The following CNTN4 variants were observed in gnomAD, a reference collection of about 807,000 sequenced individuals.
CNTN4 encodes contactin 4.
In CNTN4, 77 loss-of-function variants were observed where a neutral mutation model predicts 122.5. The ratio of observed to expected loss-of-function variants is 0.63; its 90% CI spans 0.52 to 0.76. The LOEUF is 0.76. CNTN4 is among the 30% of genes least tolerant of loss of function. The pLI, the probability that CNTN4 is intolerant of heterozygous loss-of-function variation, is 0.00. For missense variants in CNTN4, 1,256 were observed against 1,259.1 expected (o/e 1.00, Z 0.04); for synonymous variants, 512 against 447.0 (o/e 1.15, Z -1.83).
At chr3:2,712,487 A>G (rs932545999) in intron 4 of CNTN4, among the ~76,000 whole-genome samples, 1 of 152,204 alleles carries the variant, frequency 6.6e-6, no homozygotes, top group Non-Finnish European at 1.5e-5. Flanking sequence ...CAGATTAACA[A>G]CAGAAAAGCA....
intron 13 of CNTN4, among the ~76,000 whole-genome samples, chr3:2,930,288 A>T (rs2094508218): frequency 6.6e-6 from 1 of 152,186 alleles, no homozygotes; most frequent in Admixed American, 6.5e-5. Flanking sequence ...TCTCCACAGA[A>T]AAGGATGATG....
intron 4 of CNTN4, among the ~76,000 whole-genome samples, chr3:2,655,289 C>G (rs2083537217): frequency 6.6e-6 from 1 of 152,154 alleles, no homozygotes; most frequent in Admixed American, 6.5e-5. Flanking sequence ...AAAGAGAAGT[C>G]TTGTCTGTTA....
In CNTN4 at chr3:2,750,768, C is replaced by G. The variant is rs188128529; in HGVS notation, c.358+5071C>G. Among the ~76,000 whole-genome samples, 28 of 152,204 alleles carry G rather than the reference C, an allele frequency of 1.8e-4. No individual in the cohort carries two copies. In the East Asian group the frequency reaches 5.4e-3, roughly 29 times the overall value. ...TTGACTAGATCCTCTGTGCCTGGCA[C>G]TTAATAAACTTGAAATAATGGTTGC... On this transcript the variant is annotated intron_variant, in intron 6 of 24. Transcript: ENST00000418658.
rs1431411735 is a variant in CNTN4, at chr3:3,057,473, A to G, written c.*1253A>G. 1.3e-5 allele frequency: 2 copies of G among 152,660 alleles called. No individual in the cohort carries two copies. Among genetic ancestry groups the G allele is most frequent in the African/African-American group, 2.4e-5 (1 of 41,468 alleles). The allele number at this position is 152,660 out of a possible 1,614,324, so 9.5% of individuals were successfully genotyped here. On this transcript the variant is annotated 3_prime_UTR_variant, in exon 25 of 25. Coordinates refer to ENST00000418658, the MANE Select transcript of CNTN4 (RefSeq NM_175607.3). The stretch of plus-strand genomic sequence containing the variant: ...AAACTGTATTCTTATGAAAAGAACT[A>G]TTTGTTACAATGAGAAAGGTTTTGT...
intron 10 of CNTN4, among the ~76,000 whole-genome samples, chr3:2,889,125 T>C (rs1351075945): frequency 6.6e-6 from 1 of 152,152 alleles, no homozygotes; most frequent in South Asian, 2.1e-4. Flanking sequence ...ATTTTTTAAA[T>C]CTTGATTGGA....
At chr3:2,776,313 CTT>C (rs11303875) in intron 6 of CNTN4, among the ~76,000 whole-genome samples, 5 of 117,956 alleles carry the variant, frequency 4.2e-5, no homozygotes, top group African/African-American at 1.8e-4. Context: ...ATAAGTGTTT[CTT>C]TTTTTTTTCT....
intron 14 of CNTN4, chr3:2,999,010 G>A (rs1695791306): frequency 6.6e-6 from 1 of 152,220 alleles, no homozygotes; most frequent in African/African-American, 2.4e-5. Flanking sequence ...TCATCATTCA[G>A]AGAGATCCAC....
intron 3 of CNTN4, among the ~76,000 whole-genome samples, chr3:2,374,242 C>T (rs1019851928): frequency 4.6e-5 from 7 of 152,166 alleles, no homozygotes; most frequent in African/African-American, 1.7e-4. Flanking sequence ...ACAGAATGAC[C>T]TATCCCTGGA....
At chr3:2,387,264 TTCTTTACAAAGTATTGTCTTTG>T (rs2046288281) in intron 3 of CNTN4, among the ~76,000 whole-genome samples, 1 of 152,154 alleles carries the variant, frequency 6.6e-6, no homozygotes, top group Non-Finnish European at 1.5e-5. Context: ...AATGCAAGGG[TTCTTTACAAAGTATTGTCTTTG>T]TGAAGCAGTT....
rs922807746 is a variant in CNTN4 at position 2,328,346 on chromosome 3, C to T, written c.-144-10832C>T. Among the ~76,000 whole-genome samples, 11 of 150,806 alleles carry T rather than the reference C, an allele frequency of 7.3e-5. No homozygotes were observed. In the East Asian group the frequency reaches 1.0e-3, roughly 14 times the overall value. On this transcript the variant is annotated intron_variant, in intron 2 of 24. Transcript: ENST00000418658. Reference sequence around the variant, plus strand: ...GCGGGAACCCGGGAGGCGGAGCTTGCGGTGAGCCAAGATGGCGCCACCGCC... The same window carrying T: ...GCGGGAACCCGGGAGGCGGAGCTTGTGGTGAGCCAAGATGGCGCCACCGCC...
chr3:2,208,456 A>G (rs1371233537), intron 2 of CNTN4, among the ~76,000 whole-genome samples: 1 of 152,152 alleles, frequency 6.6e-6, no homozygotes, highest in South Asian at 2.1e-4. Flanking sequence ...GTTCTGATGG[A>G]TGAGCAAACA....
At chr3:2,457,379 AAAC>A in intron 3 of CNTN4, among the ~76,000 whole-genome samples, 1 of 152,314 alleles carries the variant, frequency 6.6e-6, no homozygotes, top group South Asian at 2.1e-4. Context: ...ATTATATAAC[AAAC>A]AACAAAAAAC....
rs868185439 is a variant in CNTN4 at position 2,896,269 on chromosome 3, A to C, written c.941-4416A>C. 3.3e-5 allele frequency among the ~76,000 whole-genome samples: 5 copies of C among 152,124 alleles called. No homozygotes were observed. In the Middle Eastern group the frequency reaches 0.01, roughly 310 times the overall value. ...AAGAAATTCTCAATATTTAATACAA[A>C]GCAAGGCTGCAGCAAGGAAGCAGCC... On this transcript the variant is annotated intron_variant, in intron 10 of 24. Coordinates refer to ENST00000418658, the MANE Select transcript of CNTN4 (RefSeq NM_175607.3).
At chr3:2,579,537 T>C in intron 4 of CNTN4, among the ~76,000 whole-genome samples, 1 of 26,790 alleles carries the variant, frequency 3.7e-5, no homozygotes, top group Non-Finnish European at 9.4e-5. Flanking sequence ...ATGGGTTTCT[T>C]TTTTTTTTTA....
chr3:2,531,774 T>C (rs867298935), intron 3 of CNTN4, among the ~76,000 whole-genome samples: 8 of 152,164 alleles, frequency 5.3e-5, no homozygotes, highest in African/African-American at 1.4e-4. Flanking sequence ...TGGTGATGAA[T>C]GCTCTTGAGA....
chr3:2,173,597 A>T (rs542602458), intron 2 of CNTN4, among the ~76,000 whole-genome samples: 2 of 152,190 alleles, frequency 1.3e-5, no homozygotes, highest in South Asian at 4.1e-4. Context: ...ATCAGTGTGA[A>T]GTAAAGTTGA....
At chr3:3,026,969 A>T (rs1457893109) in intron 15 of CNTN4, among the ~76,000 whole-genome samples, 2 of 152,146 alleles carry the variant, frequency 1.3e-5, no homozygotes, top group Non-Finnish European at 2.9e-5. Flanking sequence ...GACAATAAAG[A>T]TGGACTCCGG....
chr3:2,647,384 A>AATAG (rs1263825190), intron 4 of CNTN4, among the ~76,000 whole-genome samples: 3 of 11,634 alleles, frequency 2.6e-4, no homozygotes, highest in Non-Finnish European at 4.4e-4. Flanking sequence ...TCATCTCATA[A>AATAG]ATAAATAAAT....
At chr3:2,584,783 G>A (rs567473760) in intron 4 of CNTN4, among the ~76,000 whole-genome samples, 2 of 151,582 alleles carry the variant, frequency 1.3e-5, no homozygotes, top group Admixed American at 1.3e-4. Context: ...TTGCATTTAA[G>A]GGGAAGGAGG....
Sources: allele counts gnomAD v4.1 joint callset (sites outside exome capture counted in the v4.1 genomes callset), GRCh38; gene constraint gnomAD v4.1.1; transcripts MANE v1.5; gene names NCBI Gene and HGNC (gene_info 2026-07-23, HGNC 2026-07-21).